The following PHIP variants were observed in gnomAD, a reference collection of about 807,000 sequenced individuals.
PHIP encodes PHIP subunit of CUL4-Ring ligase complex, also known as PH-interacting protein.
A neutral mutation model predicts 236.8 loss-of-function variants in PHIP; 54 were observed. The observed-to-expected ratio is 0.23, with a 90% CI of 0.18 to 0.29. The LOEUF is 0.29. Among genes scored for constraint, PHIP ranks in the 10% least tolerant of loss-of-function variants. PHIP has a pLI of 1.00. For synonymous variants in PHIP, 756 were observed against 718.9 expected (o/e 1.05, Z -0.83); for missense variants, 1,370 against 2,190.8 (o/e 0.63, Z 7.48).
At chr6:79,065,966 A>G (rs377506045) in intron 4 of PHIP, among the ~76,000 whole-genome samples, 20 of 152,184 alleles carry the variant, frequency 1.3e-4, no homozygotes, top group African/African-American at 4.1e-4. Context: ...TAAGAACCCC[A>G]TATCTTTAAT....
At chr6:79,015,279 A>T in intron 14 of PHIP, 63 bp from the exon 15 acceptor site, 2 of 1,286,298 alleles carry the variant, frequency 1.6e-6, no homozygotes, top group Non-Finnish European at 2.2e-6. Context: ...AACAAACATA[A>T]TGAAATACCA....
intron 22 of PHIP, among the ~76,000 whole-genome samples, chr6:78,984,044 A>G (rs1047975457): frequency 6.6e-6 from 1 of 152,176 alleles, no homozygotes; most frequent in Non-Finnish European, 1.5e-5. Context: ...ATTTAATGAT[A>G]TATGACCTCA....
chr6:79,065,880 ATCATAT>A (rs1336617292), intron 4 of PHIP, among the ~76,000 whole-genome samples: 2 of 151,996 alleles, frequency 1.3e-5, no homozygotes, highest in Admixed American at 6.6e-5. Context: ...AAACATATTA[ATCATAT>A]TCATATTCTT....
chr6:79,061,558 C>T (rs751722488), intron 4 of PHIP, among the ~76,000 whole-genome samples: 13 of 151,974 alleles, frequency 8.6e-5, no homozygotes, highest in African/African-American at 2.7e-4. Flanking sequence ...AACAATGCCA[C>T]GCTTCTCACA....
At chr6:79,058,750 T>G (rs1168608795) in intron 6 of PHIP, among the ~76,000 whole-genome samples, 1 of 152,190 alleles carries the variant, frequency 6.6e-6, no homozygotes, top group Middle Eastern at 3.4e-3. Context: ...AAAGCAAATG[T>G]TATTTACCAT....
intron 35 of PHIP, among the ~76,000 whole-genome samples, chr6:78,950,431 T>C (rs1774079168): frequency 1.3e-5 from 2 of 152,230 alleles, no homozygotes; most frequent in Non-Finnish European, 2.9e-5. Flanking sequence ...GTGTTAATTC[T>C]TTAAATGTTT....
intron 35 of PHIP, among the ~76,000 whole-genome samples, chr6:78,952,061 TAA>T (rs1232801731): frequency 1.3e-5 from 2 of 152,164 alleles, no homozygotes; most frequent in Admixed American, 6.5e-5. Context: ...TTATTCTAGG[TAA>T]AGATTCTTTT....
intron 9 of PHIP, among the ~76,000 whole-genome samples, chr6:79,021,691 A>G (rs903817991): frequency 2.0e-4 from 30 of 152,192 alleles, no homozygotes; most frequent in African/African-American, 7.0e-4. Flanking sequence ...AGTTGAATTC[A>G]TGAGATAGTA....
intron 27 of PHIP, among the ~76,000 whole-genome samples, chr6:78,967,652 A>G (rs1006262868): frequency 6.6e-6 from 1 of 152,214 alleles, no homozygotes; most frequent in Non-Finnish European, 1.5e-5. Flanking sequence ...ATATTAACCC[A>G]TAAATTAGAA....
At chr6:78,967,496 T>C (rs1767220534) in intron 27 of PHIP, among the ~76,000 whole-genome samples, 1 of 152,214 alleles carries the variant, frequency 6.6e-6, no homozygotes, top group African/African-American at 2.4e-5. Context: ...GGACTACTAC[T>C]GAAGTCCACC....
intron 39 of PHIP, 152 bp downstream of exon 39, chr6:78,945,148 A>G (rs116682867): frequency 2.1e-5 from 13 of 619,772 alleles, no homozygotes; most frequent in African/African-American, 5.5e-5. Flanking sequence ...CAGTGGCACA[A>G]TAATAGCTCA....
intron 19 of PHIP, 33 bp from the exon 20 acceptor site, chr6:78,991,018 A>C: frequency 7.9e-7 from 1 of 1,258,670 alleles, no homozygotes; most frequent in Non-Finnish European, 1.1e-6. Context: ...ATTAATCTAG[A>C]ATTTTACACA....
intron 19 of PHIP, among the ~76,000 whole-genome samples, chr6:78,991,664 G>A (rs1769256913): frequency 6.6e-6 from 1 of 151,962 alleles, no homozygotes; most frequent in Admixed American, 6.6e-5. Context: ...ATAATAAGAA[G>A]GTAGTTAATA....
Position 78,945,394 on chromosome 6 carries a change from G to A in PHIP, c.4734C>T (p.Asn1578=). 6.2e-7 allele frequency: 1 copy of A among 1,612,840 alleles called. No homozygotes were observed. The highest frequency in any genetic ancestry group is 8.5e-7 in the Non-Finnish European group (1 of 1,178,948). Reference sequence around the variant, plus strand: ...GTTTGACTGGCTTTTCCTTTTCCATGTTTTCTTTTGCAGAATTATTCCTAG... The same window carrying A: ...GTTTGACTGGCTTTTCCTTTTCCATATTTTCTTTTGCAGAATTATTCCTAG... The part of the protein sequence containing the change: ...HGTRNNSAKE[N]MEKEKPVKRK... The change falls in exon 39 of 40, where the codon AAC becomes AAT. Residue 1578 remains asparagine (N), a synonymous_variant. Coordinates refer to ENST00000275034, the MANE Select transcript of PHIP (RefSeq NM_017934.7).
In PHIP at chr6:78,988,318, C is replaced by T; in HGVS notation, c.2351G>A (p.Gly784Glu). Reference sequence around the variant, plus strand: ...ATTTGTCTGTTGCTTTTTGGATTCTCCAAGATCCAGGAAATGCTCATGAGC... The same window carrying T: ...ATTTGTCTGTTGCTTTTTGGATTCTTCAAGATCCAGGAAATGCTCATGAGC... ...NHAHEHFLDL[G>E]ESKKQQTNQH... Residue 784 changes from glycine to glutamate, a missense_variant, in exon 21 of 40, where the codon GGA (glycine) becomes GAA (glutamate). Transcript: ENST00000275034. 6.2e-7 allele frequency: 1 copy of T among 1,604,422 alleles called. No individual in the cohort carries two copies. Among genetic ancestry groups the T allele is most frequent in the South Asian group, 1.1e-5 (1 of 89,780 alleles).
chr6:79,074,460 CAA>C (rs1217203552), intron 4 of PHIP, among the ~76,000 whole-genome samples: 7 of 151,680 alleles, frequency 4.6e-5, no homozygotes, highest in African/African-American at 1.2e-4. Flanking sequence ...TCCTTTCGTC[CAA>C]AAAAAGTTTT....
At chr6:79,059,868 G>A (rs921382524) in intron 6 of PHIP, among the ~76,000 whole-genome samples, 4 of 151,704 alleles carry the variant, frequency 2.6e-5, no homozygotes, top group Non-Finnish European at 5.9e-5. Flanking sequence ...TTCAGCAGAA[G>A]AGTGACACAA....
intron 15 of PHIP, among the ~76,000 whole-genome samples, chr6:79,009,554 C>T (rs1770466210): frequency 6.6e-6 from 1 of 151,926 alleles, no homozygotes; most frequent in Admixed American, 6.6e-5. Context: ...TTTGTCTCCC[C>T]AACTTAACTG....
At chr6:78,979,168 A>T (rs1768336469) in intron 23 of PHIP, among the ~76,000 whole-genome samples, 1 of 152,084 alleles carries the variant, frequency 6.6e-6, no homozygotes. Context: ...CTACTGAGAG[A>T]TGACTATCCT....
Sources: gnomAD v4.1 joint callset for allele counts (sites outside exome capture counted in the v4.1 genomes callset) on GRCh38, gnomAD v4.1.1 for gene constraint, MANE v1.5 for transcripts, NCBI Gene and HGNC (gene_info 2026-07-23, HGNC 2026-07-21) for gene names.